DPY19L2: variants seen among roughly 807,000 people sequenced by gnomAD.
The protein encoded by DPY19L2 is probable C-mannosyltransferase DPY19L2.
DPY19L2 carries 34 observed loss-of-function variants against 97.9 expected under a neutral mutation model. That is an observed-to-expected ratio of 0.35 (90% CI 0.26 to 0.46). The LOEUF (loss-of-function observed/expected upper bound fraction) is 0.46. Ranked by LOEUF, DPY19L2 falls within the 20% of genes least tolerant of loss-of-function variation. The probability of loss-of-function intolerance (pLI) is 1.00; values close to 1 mark genes in which losing one functional copy is unlikely to be tolerated. For missense variants in DPY19L2, 623 were observed against 911.4 expected (o/e 0.68, Z 4.07); for synonymous variants, 230 against 307.9 (o/e 0.75, Z 2.65).
At chr12:63,658,073 G>A (rs1270023675) in intron 4 of DPY19L2, among the ~76,000 whole-genome samples, 4 of 152,160 alleles carry the variant, frequency 2.6e-5, no homozygotes, top group Admixed American at 1.3e-4. Context: ...AGGAATGAGA[G>A]TGCCATCATT....
intron 21 of DPY19L2, among the ~76,000 whole-genome samples, chr12:63,568,094 A>G (rs1203515965): frequency 6.6e-6 from 1 of 151,898 alleles, no homozygotes; most frequent in African/African-American, 2.4e-5. Context: ...TTTTTTCATT[A>G]CATCTAATAC....
At chr12:63,596,625 G>A (rs1384446040) in intron 14 of DPY19L2, among the ~76,000 whole-genome samples, 1 of 152,166 alleles carries the variant, frequency 6.6e-6, no homozygotes, top group Non-Finnish European at 1.5e-5. Context: ...ATAACTAGTG[G>A]TCAATAATAG....
At chr12:63,605,247 C>G (rs1489618105) in intron 12 of DPY19L2, among the ~76,000 whole-genome samples, 3 of 152,142 alleles carry the variant, frequency 2.0e-5, no homozygotes, top group African/African-American at 7.2e-5. Context: ...GCAGAGGGCT[C>G]TTTCCTGGGC....
chr12:63,578,494 C>T (rs1880286824), intron 19 of DPY19L2, among the ~76,000 whole-genome samples: 2 of 152,094 alleles, frequency 1.3e-5, no homozygotes, highest in Admixed American at 1.3e-4. Flanking sequence ...ATCAATGCTT[C>T]AGGTGATGGA....
In DPY19L2 at chr12:63,626,391, T is replaced by C. The variant is rs1889536837; in HGVS notation, c.861+78A>G. On this transcript the variant is annotated intron_variant, in intron 7 of 21. Coordinates refer to ENST00000324472, the MANE Select transcript of DPY19L2 (RefSeq NM_173812.5). ...AAGTCATAAGTAGTATACAATTAAA[T>C]ATTGTTTTGATGAGTATATTTCCTT... The C allele has an allele frequency of 2.9e-6, 4 of 1,400,466 alleles. No individual in the cohort carries two copies. In the African/African-American group the frequency reaches 4.5e-5, roughly 16 times the overall value. The allele number at this position is 1,400,466 out of a possible 1,614,324, so 86.8% of individuals were successfully genotyped here.
At chr12:63,658,992 C>T (rs1381425672) in intron 4 of DPY19L2, among the ~76,000 whole-genome samples, 1 of 152,126 alleles carries the variant, frequency 6.6e-6, no homozygotes, top group Non-Finnish European at 1.5e-5. Flanking sequence ...GATGGTTTTG[C>T]AGGTGGGCCA....
intron 5 of DPY19L2, among the ~76,000 whole-genome samples, chr12:63,646,021 C>T (rs1252095138): frequency 1.3e-5 from 2 of 151,804 alleles, no homozygotes; most frequent in Non-Finnish European, 1.5e-5. Flanking sequence ...TTCTAGCCTT[C>T]TTTCAGTTCT....
chr12:63,590,719 C>T (rs900545819), intron 16 of DPY19L2, among the ~76,000 whole-genome samples: 2 of 152,050 alleles, frequency 1.3e-5, no homozygotes, highest in Non-Finnish European at 2.9e-5. Context: ...AAGCTACTTA[C>T]AATCAGCACC....
chr12:63,583,778 A>G, intron 17 of DPY19L2, 34 bp downstream of exon 17: 1 of 1,605,154 alleles, frequency 6.2e-7, no homozygotes, highest in Non-Finnish European at 8.5e-7. Flanking sequence ...AATTTAATAC[A>G]CAAGTCTACC....
intron 6 of DPY19L2, among the ~76,000 whole-genome samples, chr12:63,636,895 G>A (rs1294671431): frequency 6.6e-6 from 1 of 152,052 alleles, no homozygotes; most frequent in African/African-American, 2.4e-5. Context: ...AAGTTAACAA[G>A]GATATCCAGG....
At chr12:63,642,598 A>G (rs4763101) in intron 6 of DPY19L2, among the ~76,000 whole-genome samples, 15,985 of 152,018 alleles carry the variant, frequency 0.11, 1,086 homozygotes, top group East Asian at 0.28. Context: ...CCACTCTTCC[A>G]TATATCAAAT....
chr12:63,612,599 C>T (rs1356303134), intron 11 of DPY19L2, among the ~76,000 whole-genome samples: 1 of 89,814 alleles, frequency 1.1e-5, no homozygotes, highest in Non-Finnish European at 2.0e-5. Context: ...TTGCTTTATA[C>T]CTTTAAAAAA....
chr12:63,595,313 G>A (rs1185711390), intron 15 of DPY19L2, among the ~76,000 whole-genome samples: 3 of 151,930 alleles, frequency 2.0e-5, no homozygotes, highest in African/African-American at 7.3e-5. Context: ...AATAAAGATG[G>A]CTCAAGACTG....
intron 16 of DPY19L2, among the ~76,000 whole-genome samples, chr12:63,585,909 T>C (rs986911890): frequency 1.3e-5 from 2 of 152,070 alleles, no homozygotes; most frequent in African/African-American, 4.8e-5. Context: ...CTAAGAAAAA[T>C]ATATTTGCCT....
At chr12:63,634,737 G>A (rs1891355986) in intron 6 of DPY19L2, among the ~76,000 whole-genome samples, 1 of 152,126 alleles carries the variant, frequency 6.6e-6, no homozygotes, top group Non-Finnish European at 1.5e-5. Flanking sequence ...CTGGTGGAGG[G>A]GCGTCCACCA....
chr12:63,570,977 G>A, intron 19 of DPY19L2, 120 bp from the exon 20 acceptor site: 1 of 963,112 alleles, frequency 1.0e-6, no homozygotes, highest in Non-Finnish European at 1.5e-6. Context: ...CATGACCATG[G>A]ACCTCATTCT....
intron 11 of DPY19L2, among the ~76,000 whole-genome samples, chr12:63,610,194 G>A (rs184071415): frequency 6.6e-6 from 1 of 151,746 alleles, no homozygotes; most frequent in Non-Finnish European, 1.5e-5. Context: ...CAACTAAATG[G>A]GTCAACCAGA....
At position 63,617,976 on chromosome 12, in the gene DPY19L2, CTGTTA is replaced by C. The variant is rs548110831; in HGVS notation, c.1131+170_1131+174del. 2.1e-3 allele frequency among the ~76,000 whole-genome samples: 321 copies of C among 152,116 alleles called. 5 individuals carry two copies. The highest frequency in any genetic ancestry group is 1.0e-3 in the South Asian group (5 of 4,812). ...TCTACAGTCCAGTTGAAAGTATAAT[CTGTTA>C]TAATATGTCATCTATAATATACATT... On this transcript the variant is annotated intron_variant, in intron 10 of 21. Transcript: ENST00000324472.
chr12:63,576,980 T>C (rs969864862), intron 19 of DPY19L2, among the ~76,000 whole-genome samples: 2 of 151,898 alleles, frequency 1.3e-5, no homozygotes, highest in African/African-American at 2.4e-5. Context: ...TAGCCAAAGC[T>C]ACCCTGAGCA....
Sources: allele counts gnomAD v4.1 joint callset (sites outside exome capture counted in the v4.1 genomes callset), GRCh38; gene constraint gnomAD v4.1.1; transcripts MANE v1.5; gene names NCBI Gene and HGNC (gene_info 2026-07-23, HGNC 2026-07-21).